BACH2: variants seen among roughly 807,000 people sequenced by gnomAD.
The protein encoded by BACH2 is BACH transcriptional regulator 2.
A neutral mutation model predicts 61.8 loss-of-function variants in BACH2; 5 were observed. The ratio of observed to expected loss-of-function variants is 0.08; its 90% CI spans 0.04 to 0.17. The LOEUF is 0.17. Ranked by LOEUF, BACH2 falls within the 10% of genes least tolerant of loss-of-function variation. The pLI is 1.00. For synonymous variants in BACH2, 446 were observed against 440.1 expected (o/e 1.01, Z -0.17); for missense variants, 824 against 1,091.1 (o/e 0.76, Z 3.45).
chr6:89,997,357 A>T lies in BACH2; in HGVS notation c.243+11245T>A, dbSNP rs75304798. On this transcript the variant is annotated intron_variant, in intron 6 of 8. Transcript: ENST00000257749. ...GTGCTTCAATTATCTTCCCTTAGTA[A>T]CTTCAGTTATCTTCCCTGATTTCCC... is the stretch of plus-strand genomic sequence containing the variant. Among the ~76,000 whole-genome samples, 1,021 of 152,274 alleles carry T rather than the reference A, an allele frequency of 6.7e-3. 24 individuals carry two copies. In the East Asian group the frequency reaches 0.08, roughly 12 times the overall value.
chr6:90,012,979 T>C (rs1198797376), intron 5 of BACH2, among the ~76,000 whole-genome samples: 4 of 152,168 alleles, frequency 2.6e-5, no homozygotes, highest in East Asian at 1.9e-4. Context: ...TGGTAGTATA[T>C]AGGTCTTTTA....
intron 5 of BACH2, among the ~76,000 whole-genome samples, chr6:90,029,877 T>C (rs1445740773): frequency 6.6e-6 from 1 of 152,150 alleles, no homozygotes; most frequent in Non-Finnish European, 1.5e-5. Flanking sequence ...AGAAAACTAA[T>C]GATATAACCT....
intron 5 of BACH2, among the ~76,000 whole-genome samples, chr6:90,014,420 T>TTGTGTGTGTGTGTGTGTG (rs764203742): frequency 1.3e-5 from 1 of 76,832 alleles, no homozygotes; most frequent in Non-Finnish European, 2.2e-5. Context: ...TGGCATAAAA[T>TTGTGTGTGTGTGTGTGTG]TGTGTGTGTG....
At chr6:90,044,146 C>T (rs149942054) in intron 5 of BACH2, among the ~76,000 whole-genome samples, 182 of 152,094 alleles carry the variant, frequency 1.2e-3, no homozygotes, top group African/African-American at 4.2e-3. Context: ...TACACACAAA[C>T]GAATGAATCT....
intron 5 of BACH2, among the ~76,000 whole-genome samples, chr6:90,028,340 A>G (rs951732671): frequency 2.0e-5 from 3 of 152,238 alleles, no homozygotes; most frequent in African/African-American, 7.2e-5. Flanking sequence ...ACTTGTATTG[A>G]TTCTCATCTG....
intron 6 of BACH2, among the ~76,000 whole-genome samples, chr6:90,000,021 A>G (rs1777051525): frequency 2.6e-5 from 4 of 152,246 alleles, no homozygotes; most frequent in Admixed American, 6.5e-5. Context: ...ACATTTCTGC[A>G]TAAGTTTCTT....
chr6:90,295,724 G>A (rs1772334040), intron 1 of BACH2, among the ~76,000 whole-genome samples: 3 of 152,164 alleles, frequency 2.0e-5, no homozygotes, highest in Admixed American at 6.5e-5. Flanking sequence ...GAGAGGAGGT[G>A]CAAGGTTTCC....
chr6:90,126,460 A>G (rs1783854452), intron 4 of BACH2, among the ~76,000 whole-genome samples: 1 of 152,212 alleles, frequency 6.6e-6, no homozygotes, highest in South Asian at 2.1e-4. Flanking sequence ...GTAGACTTCA[A>G]TATTTAGTTA....
Position 89,927,497 on chromosome 6 carries a change from G to A in BACH2, c.*4911C>T, listed in dbSNP as rs1020078218. On this transcript the variant is annotated 3_prime_UTR_variant, in exon 9 of 9. Transcript: ENST00000257749. The stretch of plus-strand genomic sequence containing the variant: ...TCTACCTGAAATGAATGGTCTTGGT[G>A]CACACTTCTGCTTCTAAGAAGGGCC... 6.5e-6 allele frequency: 1 copy of A among 152,778 alleles called. No individual in the cohort carries two copies. Among genetic ancestry groups the A allele is most frequent in the African/African-American group, 2.4e-5 (1 of 41,452 alleles). 9.5% of individuals were successfully genotyped at this position (152,778 alleles called of 1,614,324 possible). A position where few individuals can be genotyped will look rare whatever the true frequency, so the allele number is the denominator to read the frequency against.
At chr6:90,042,291 C>A (rs931219634) in intron 5 of BACH2, among the ~76,000 whole-genome samples, 3 of 152,188 alleles carry the variant, frequency 2.0e-5, no homozygotes, top group Middle Eastern at 6.8e-3. Context: ...CTTTTGGGCT[C>A]AAGCAGTTCT....
intron 4 of BACH2, among the ~76,000 whole-genome samples, chr6:90,103,977 A>G (rs1782789362): frequency 6.6e-6 from 1 of 152,158 alleles, no homozygotes; most frequent in Admixed American, 6.5e-5. Context: ...AAGTGTAGAG[A>G]AGTGAAGTGG....
At chr6:89,945,933 A>ATT (rs58962925) in intron 7 of BACH2, among the ~76,000 whole-genome samples, 8 of 151,344 alleles carry the variant, frequency 5.3e-5, no homozygotes, top group African/African-American at 1.9e-4. Flanking sequence ...TGACTTGTTC[A>ATT]TTTTTTTTTA....
intron 5 of BACH2, among the ~76,000 whole-genome samples, chr6:90,055,996 G>A (rs988912107): frequency 1.3e-5 from 2 of 152,092 alleles, no homozygotes; most frequent in African/African-American, 4.8e-5. Context: ...AGGAACAACT[G>A]GTACCAGCCA....
At chr6:90,215,157 GC>G (rs968181295) in intron 3 of BACH2, among the ~76,000 whole-genome samples, 20 of 152,200 alleles carry the variant, frequency 1.3e-4, no homozygotes, top group African/African-American at 4.8e-4. Flanking sequence ...TCTAGTGTTT[GC>G]CTCCACTATG....
chr6:90,217,080 A>C (rs572011056), intron 3 of BACH2, among the ~76,000 whole-genome samples: 2 of 152,274 alleles, frequency 1.3e-5, no homozygotes, highest in East Asian at 3.9e-4. Context: ...ATAAAAATTT[A>C]CCAGTTCTCT....
chr6:90,100,740 C>CACAG (rs1782591932), intron 4 of BACH2, among the ~76,000 whole-genome samples: 1 of 151,510 alleles, frequency 6.6e-6, no homozygotes, highest in African/African-American at 2.4e-5. Context: ...CACACACACA[C>CACAG]ACACACACAC....
At chr6:90,081,894 T>C (rs1781742329) in intron 5 of BACH2, among the ~76,000 whole-genome samples, 1 of 152,124 alleles carries the variant, frequency 6.6e-6, no homozygotes, top group Admixed American at 6.6e-5. Context: ...TTAGGATTCA[T>C]CCTAACCTGA....
intron 1 of BACH2, among the ~76,000 whole-genome samples, chr6:90,280,531 T>C (rs897556282): frequency 2.6e-5 from 4 of 152,234 alleles, no homozygotes; most frequent in Admixed American, 6.5e-5. Context: ...CAGTTTATTC[T>C]ATAAAATCAT....
At chr6:90,163,176 A>T (rs991656649) in intron 4 of BACH2, among the ~76,000 whole-genome samples, 1 of 152,160 alleles carries the variant, frequency 6.6e-6, no homozygotes, top group African/African-American at 2.4e-5. Context: ...GGCAGTAGAG[A>T]GTCACATGAA....
Sources: allele counts gnomAD v4.1 joint callset (sites outside exome capture counted in the v4.1 genomes callset), GRCh38; gene constraint gnomAD v4.1.1; transcripts MANE v1.5; gene names NCBI Gene and HGNC (gene_info 2026-07-23, HGNC 2026-07-21).